Variants in MCTP2 observed in about 807,000 individuals in gnomAD.
MCTP2 encodes multiple C2 and transmembrane domain containing 2.
Under a neutral mutation model 111.6 loss-of-function variants are expected in MCTP2, and 132 were observed. The ratio of observed to expected loss-of-function variants is 1.18; its 90% CI spans 1.03 to 1.37. The LOEUF (loss-of-function observed/expected upper bound fraction) is 1.37, where lower values mean the gene tolerates loss of function less well. Among genes scored for constraint, MCTP2 ranks in the 40% most tolerant of loss-of-function variants. The pLI is 0.00. For synonymous variants in MCTP2, 395 were observed against 387.7 expected (o/e 1.02, Z -0.22); for missense variants, 1,183 against 1,067.9 (o/e 1.11, Z -1.50).
chr15:94,243,048 T>G lies in MCTP2; in HGVS notation c.-66+11384T>G, dbSNP rs1357139332. Among the ~76,000 whole-genome samples the G allele has an allele frequency of 5.6e-5, 5 of 90,036 alleles. No individual in the cohort carries two copies. The East Asian group carries it at 1.2e-3, about 21-fold the overall frequency. The allele number at this position is 90,036 out of a possible 152,430, so 59.1% of individuals were successfully genotyped here. On this transcript the variant is annotated intron_variant, in intron 1 of 22. Coordinates refer to ENST00000357742, the MANE Select transcript of MCTP2 (RefSeq NM_001385001.1). ...GTATCTACACATACACGTGTATATG[T>G]GTATCTACACATACACGTGTATATG...
chr15:94,269,632 A>G (rs2073801766), intron 1 of MCTP2, among the ~76,000 whole-genome samples: 1 of 152,210 alleles, frequency 6.6e-6, no homozygotes, highest in South Asian at 2.1e-4. Flanking sequence ...TGCTGTAGAC[A>G]GTTTTCTAGT....
At chr15:94,415,683 G>A (rs1238369688) in intron 17 of MCTP2, among the ~76,000 whole-genome samples, 2 of 149,644 alleles carry the variant, frequency 1.3e-5, no homozygotes, top group Admixed American at 6.7e-5. Context: ...TGTTTCCCCT[G>A]AATTAGGCAT....
rs945461667 is a variant in MCTP2 at position 94,482,248 on chromosome 15, A to G, written c.*3214A>G. 1.3e-5 allele frequency: 2 copies of G among 152,262 alleles called. No individual in the cohort carries two copies. The highest frequency in any genetic ancestry group is 2.9e-5 in the Non-Finnish European group (2 of 68,036). 9.4% of individuals were successfully genotyped at this position (152,262 alleles called of 1,614,324 possible). A position where few individuals can be genotyped will look rare whatever the true frequency, so the allele number is the denominator to read the frequency against. On this transcript the variant is annotated 3_prime_UTR_variant, in exon 23 of 23. Transcript: ENST00000357742. ...TTGAAAAATATTCTAGCTGCAATGG[A>G]TAGCCTAGCAATTTTCAAAGTTTAG...
At chr15:94,234,717 CA>C (rs1178727552) in intron 1 of MCTP2, among the ~76,000 whole-genome samples, 1 of 152,170 alleles carries the variant, frequency 6.6e-6, no homozygotes, top group Non-Finnish European at 1.5e-5. Flanking sequence ...TTGGCTTTTC[CA>C]ACTATCAGTC....
intron 8 of MCTP2, among the ~76,000 whole-genome samples, chr15:94,350,917 G>A (rs1390599701): frequency 6.6e-6 from 1 of 151,932 alleles, no homozygotes; most frequent in Non-Finnish European, 1.5e-5. Context: ...TGCATTAGAA[G>A]CATTTCGCTG....
intron 17 of MCTP2, among the ~76,000 whole-genome samples, chr15:94,417,701 G>A (rs2082437016): frequency 6.6e-6 from 1 of 152,096 alleles, no homozygotes; most frequent in South Asian, 2.1e-4. Flanking sequence ...GCAAGTATGT[G>A]TGGCTCTGAT....
intron 8 of MCTP2, among the ~76,000 whole-genome samples, chr15:94,346,434 T>C (rs774124524): frequency 2.0e-5 from 3 of 152,206 alleles, no homozygotes; most frequent in Non-Finnish European, 4.4e-5. Context: ...CTTATTCCTT[T>C]ATAGTCACTA....
At chr15:94,417,510 C>T (rs970814608) in intron 17 of MCTP2, among the ~76,000 whole-genome samples, 3 of 151,932 alleles carry the variant, frequency 2.0e-5, no homozygotes, top group Admixed American at 2.0e-4. Context: ...AGTACACGTA[C>T]GTGTGTGTGT....
chr15:94,477,173 G>C (rs1384388722), intron 22 of MCTP2, among the ~76,000 whole-genome samples: 1 of 152,074 alleles, frequency 6.6e-6, no homozygotes, highest in African/African-American at 2.4e-5. Context: ...AAGCATTTTA[G>C]GGGAAGTAGG....
intron 2 of MCTP2, among the ~76,000 whole-genome samples, chr15:94,309,335 T>C (rs2076026357): frequency 6.6e-6 from 1 of 152,256 alleles, no homozygotes; most frequent in South Asian, 2.1e-4. Flanking sequence ...GGTTATAGAT[T>C]AAATATGCAG....
chr15:94,470,455 T>C lies in MCTP2; in HGVS notation c.2470+13T>C. ...ATTTTAATCTGGGGTAAGTTTGGAATGGTCCTTTTGCTAGCAATCAATTCC... is the reference window on the plus strand; with the variant it reads ...ATTTTAATCTGGGGTAAGTTTGGAACGGTCCTTTTGCTAGCAATCAATTCC... On this transcript the variant is annotated intron_variant, in intron 21 of 22. Transcript: ENST00000357742. The C allele has an allele frequency of 6.6e-7, 1 of 1,523,128 alleles. No homozygotes were observed. The highest frequency in any genetic ancestry group is 1.1e-5 in the South Asian group (1 of 89,292). The allele number at this position is 1,523,128 out of a possible 1,614,324, so 94.4% of individuals were successfully genotyped here. A position where few individuals can be genotyped will look rare whatever the true frequency, so the allele number is the denominator to read the frequency against.
intron 20 of MCTP2, among the ~76,000 whole-genome samples, chr15:94,460,115 A>T (rs1302779036): frequency 1.3e-5 from 2 of 152,222 alleles, no homozygotes; most frequent in Admixed American, 6.5e-5. Flanking sequence ...GGAGAAACAG[A>T]GTAATAGCCA....
At chr15:94,429,230 C>T (rs889258722) in intron 17 of MCTP2, among the ~76,000 whole-genome samples, 4 of 152,100 alleles carry the variant, frequency 2.6e-5, no homozygotes, top group African/African-American at 7.2e-5. Context: ...CAGTGGATTC[C>T]ACCCTTATCA....
rs138329762 is a variant in MCTP2 at position 94,298,308 on chromosome 15, C to T, written c.43C>T (p.Arg15Trp). 93 of 1,613,792 alleles carry T rather than the reference C, an allele frequency of 5.8e-5. No homozygotes were observed. The highest frequency in any genetic ancestry group is 7.0e-5 in the Non-Finnish European group (82 of 1,179,830). The change falls in exon 2 of 23, where the codon CGG (arginine) becomes TGG (tryptophan). Residue 15 changes from arginine to tryptophan, a missense_variant. Coordinates refer to ENST00000357742, the MANE Select transcript of MCTP2 (RefSeq NM_001385001.1). ...KPSVWGSLKQ[R>W]TRPLLINLSK... ...ATCTGTTTGGGGCTCATTAAAACAG[C>T]GGACCAGGCCATTGTTGATCAACTT...
intron 2 of MCTP2, among the ~76,000 whole-genome samples, chr15:94,307,845 G>A (rs1045502612): frequency 1.1e-4 from 17 of 152,220 alleles, no homozygotes; most frequent in Admixed American, 8.5e-4. Flanking sequence ...GGTCACTTTC[G>A]GTGGGGAATG....
intron 12 of MCTP2, among the ~76,000 whole-genome samples, chr15:94,371,689 CTTTG>C (rs1306249891): frequency 6.6e-6 from 1 of 151,912 alleles, no homozygotes; most frequent in Non-Finnish European, 1.5e-5. Flanking sequence ...TGTGGAAACC[CTTTG>C]TTTTTTTTAA....
chr15:94,338,691 G>A (rs1038820194), intron 4 of MCTP2, among the ~76,000 whole-genome samples: 2 of 152,194 alleles, frequency 1.3e-5, no homozygotes, highest in Admixed American at 1.3e-4. Flanking sequence ...CTGATGTGGA[G>A]TTCAGCTGCC....
intron 20 of MCTP2, among the ~76,000 whole-genome samples, chr15:94,461,241 C>T (rs1357961836): frequency 1.3e-5 from 2 of 152,160 alleles, no homozygotes; most frequent in African/African-American, 4.8e-5. Context: ...GGGCGGATCA[C>T]CTGAGGTCAG....
chr15:94,342,279 T>G (rs2077685892), intron 7 of MCTP2: 1 of 152,112 alleles, frequency 6.6e-6, no homozygotes, highest in Non-Finnish European at 1.5e-5. Flanking sequence ...AAATTTAGAG[T>G]TTTAACATAA....
Sources: gnomAD v4.1 joint callset for allele counts (sites outside exome capture counted in the v4.1 genomes callset) on GRCh38, gnomAD v4.1.1 for gene constraint, MANE v1.5 for transcripts, NCBI Gene and HGNC (gene_info 2026-07-23, HGNC 2026-07-21) for gene names.